The following DVL3 variants were observed in gnomAD, a reference collection of about 807,000 sequenced individuals.
DVL3 encodes segment polarity protein dishevelled homolog DVL-3.
In DVL3, 27 loss-of-function variants were observed where a neutral mutation model predicts 67.4. The ratio of observed to expected loss-of-function variants is 0.40; its 90% CI spans 0.30 to 0.55. The LOEUF (loss-of-function observed/expected upper bound fraction) is 0.55, where lower values mean the gene tolerates loss of function less well. Among genes scored for constraint, DVL3 ranks in the 20% least tolerant of loss-of-function variants. The probability of loss-of-function intolerance (pLI) is 0.46; values close to 1 mark genes in which losing one functional copy is unlikely to be tolerated. For missense variants in DVL3, 819 were observed against 1,021.5 expected, an observed-to-expected ratio of 0.80 and a Z score of 2.70; for synonymous variants, 369 against 396.8, an observed-to-expected ratio of 0.93 and a Z score of 0.83.
At chr3:184,160,667 T>C (rs1425030433) in intron 1 of DVL3, among the ~76,000 whole-genome samples, 3 of 152,134 alleles carry the variant, frequency 2.0e-5, no homozygotes, top group Non-Finnish European at 2.9e-5. Context: ...AGAGCCTTGG[T>C]GGCCTGTCGA....
At position 184,166,881 on chromosome 3, in the gene DVL3, GACCGGC is replaced by G; in HGVS notation, c.1108_1113del (p.Gly370_Thr371del). ...CCTGGGTCTCCCACACTGCAGCCAT[GACCGGC>G]ACCTTCCCTGCATACGGCATGAGCC... On this transcript the variant is annotated inframe_deletion, in exon 11 of 15. Transcript: ENST00000313143. The surrounding 1 kb of genome is among the most constrained non-coding windows in gnomAD (Gnocchi z 6.7). 1 of 1,614,120 alleles carries G rather than the reference GACCGGC, an allele frequency of 6.2e-7. No individual in the cohort carries two copies. Among genetic ancestry groups the G allele is most frequent in the Non-Finnish European group, 8.5e-7 (1 of 1,180,018 alleles).
chr3:184,168,963 C>T (rs376686679), intron 13 of DVL3, among the ~76,000 whole-genome samples: 33 of 152,108 alleles, frequency 2.2e-4, no homozygotes, highest in African/African-American at 7.0e-4. Context: ...TGGCTGGGAA[C>T]GGGGTGGAGA....
intron 1 of DVL3, among the ~76,000 whole-genome samples, chr3:184,159,858 A>G (rs1384552860): frequency 6.6e-6 from 1 of 152,160 alleles, no homozygotes; most frequent in Non-Finnish European, 1.5e-5. Context: ...TACAATAGCA[A>G]GCTCAGGACC....
chr3:184,161,296 A>C (rs1302279962), intron 1 of DVL3, among the ~76,000 whole-genome samples: 1 of 152,108 alleles, frequency 6.6e-6, no homozygotes, highest in East Asian at 1.9e-4. Flanking sequence ...GCGTGGTGGC[A>C]GGCACCTGTA....
At position 184,166,907 on chromosome 3, in the gene DVL3, T is replaced by C. The variant is rs1714612563; in HGVS notation, c.1130T>C (p.Met377Thr). The change falls in exon 11 of 15, where the codon ATG becomes ACG. Residue 377 changes from methionine (M) to threonine (T), a missense_variant. Transcript: ENST00000313143. The surrounding 1 kb of genome is among the most constrained non-coding windows in gnomAD (Gnocchi z 6.7). Reference sequence around the variant, plus strand: ...ACCGGCACCTTCCCTGCATACGGCATGAGCCCCTCCCTGAGCACCATCACC... The same window carrying C: ...ACCGGCACCTTCCCTGCATACGGCACGAGCCCCTCCCTGAGCACCATCACC... ...AMTGTFPAYGMSPSLSTITST... is the reference protein window; with the variant it reads ...AMTGTFPAYGTSPSLSTITST... The C allele has an allele frequency of 6.2e-7, 1 of 1,614,140 alleles. No homozygotes were observed. Among genetic ancestry groups the C allele is most frequent in the Non-Finnish European group, 8.5e-7 (1 of 1,180,018 alleles).
At position 184,155,697 on chromosome 3, in the gene DVL3, T is replaced by C. The variant is rs1208232744; in HGVS notation, c.62T>C (p.Leu21Pro). Residue 21 changes from leucine (L) to proline (P), a missense_variant, in exon 1 of 15, where the codon CTG (leucine) becomes CCG (proline). Leu to Pro is a moderately conservative substitution (Grantham distance 98). Around this residue, in one of 3 missense-constraint regions of DVL3, gnomAD observed 385 missense variants for 486.8 expected, o/e 0.79. Coordinates refer to ENST00000313143, the MANE Select transcript of DVL3 (RefSeq NM_004423.4). The surrounding 1 kb of genome is among the most constrained non-coding windows in gnomAD (Gnocchi z 5.4). Reference protein sequence around the residue: ...DGQETPYLVKLPLPAERVTLA... With the variant: ...DGQETPYLVKPPLPAERVTLA... Reference sequence around the variant, plus strand: ...CAGGAGACGCCGTACCTTGTGAAGCTGCCCCTGCCCGCCGAGCGCGTCACC... The same window carrying C: ...CAGGAGACGCCGTACCTTGTGAAGCCGCCCCTGCCCGCCGAGCGCGTCACC... The C allele has an allele frequency of 6.2e-7, 1 of 1,613,132 alleles. No individual in the cohort carries two copies.
At chr3:184,160,039 A>G (rs1420322292) in intron 1 of DVL3, among the ~76,000 whole-genome samples, 1 of 151,180 alleles carries the variant, frequency 6.6e-6, no homozygotes, top group Non-Finnish European at 1.5e-5. Context: ...TCCTGGGTTC[A>G]CGCCATTCTC....
chr3:184,165,448 C>A lies in DVL3; in HGVS notation c.720C>A (p.Asp240Glu), dbSNP rs750129233. 1.2e-6 allele frequency: 2 copies of A among 1,614,104 alleles called. No homozygotes were observed. Among genetic ancestry groups the A allele is most frequent in the Non-Finnish European group, 1.7e-6 (2 of 1,180,010 alleles). The change falls in exon 7 of 15, where the codon GAC (aspartate) becomes GAA (glutamate). Residue 240 changes from aspartate to glutamate, a missense_variant. Around this residue, in one of 3 missense-constraint regions of DVL3, gnomAD observed 385 missense variants for 486.8 expected, o/e 0.79. Coordinates refer to ENST00000313143, the MANE Select transcript of DVL3 (RefSeq NM_004423.4). This position sits in a 1 kb window ranked among gnomAD's most constrained non-coding sequence, Gnocchi z 4.1. Reference protein sequence around the residue: ...ERSSSFSSITDSTMSLNIITV... With the variant: ...ERSSSFSSITESTMSLNIITV... ...CCTCGTCCTTCAGCAGCATCACGGA[C>A]TCCACCATGTCACTCAACATCATCA...
intron 1 of DVL3, among the ~76,000 whole-genome samples, chr3:184,162,650 G>A (rs1399140483): frequency 6.9e-6 from 1 of 144,392 alleles, no homozygotes; most frequent in Non-Finnish European, 1.5e-5. Context: ...ACCTCCACCT[G>A]CCCGATTCAA....
Position 184,166,487 on chromosome 3 carries a change from A to G in DVL3, c.945A>G (p.Ala315=). Residue 315 remains alanine (A), a synonymous_variant, in exon 9 of 15, where the codon GCA becomes GCG. Transcript: ENST00000313143. This position sits in a 1 kb window ranked among gnomAD's most constrained non-coding sequence, Gnocchi z 6.7. ...TTGAGAACATGAGTAATGACGATGC[A>G]GTCCGGGTACTGCGGGAGATTGTGC... ...INFENMSNDD[A]VRVLREIVHK... 1.2e-6 allele frequency: 2 copies of G among 1,614,188 alleles called. No homozygotes were observed. The highest frequency in any genetic ancestry group is 1.7e-6 in the Non-Finnish European group (2 of 1,180,042).
At position 184,165,322 on chromosome 3, in the gene DVL3, G is replaced by C; in HGVS notation, c.694-100G>C. The C allele has an allele frequency of 6.5e-7, 1 of 1,540,146 alleles. No individual in the cohort carries two copies. The highest frequency in any genetic ancestry group is 1.8e-4 in the Middle Eastern group (1 of 5,596). ...CCCCTAGTGCAGTGTTGAGAACCTT[G>C]GGGCTGGGGGCTGCACCGGGGACTC... On this transcript the variant is annotated intron_variant, in intron 6 of 14. Transcript: ENST00000313143. The surrounding 1 kb of genome is among the most constrained non-coding windows in gnomAD (Gnocchi z 4.1).
chr3:184,168,474 A>G (rs1347529636), intron 13 of DVL3, among the ~76,000 whole-genome samples: 3 of 152,218 alleles, frequency 2.0e-5, no homozygotes, highest in African/African-American at 7.2e-5. Context: ...GCACACAGTC[A>G]TTCCCTCAAA....
chr3:184,170,598 C>G lies in DVL3; in HGVS notation c.1994C>G (p.Pro665Arg), dbSNP rs759182353. ...GGAGTGCCCCCTCTCTACGGCCCCC[C>G]CATGCTGATGATGCCCCCGCCGCCC... Reference protein sequence around the residue: ...PPGVPPLYGPPMLMMPPPPAA... With the variant: ...PPGVPPLYGPRMLMMPPPPAA... The change falls in exon 15 of 15, where the codon CCC (proline) becomes CGC (arginine). Residue 665 changes from proline (P) to arginine (R), a missense_variant. This residue lies in a region of DVL3 where 324 missense variants were observed against 331.3 expected (regional missense o/e 0.98). Transcript: ENST00000313143. The surrounding 1 kb of genome is among the most constrained non-coding windows in gnomAD (Gnocchi z 6.5). 2.5e-6 allele frequency: 4 copies of G among 1,610,238 alleles called. No individual in the cohort carries two copies. The highest frequency in any genetic ancestry group is 2.7e-5 in the African/African-American group (2 of 74,654).
At position 184,167,571 on chromosome 3, in the gene DVL3, C is replaced by T. The variant is rs1714642147; in HGVS notation, c.1199-9C>T. On this transcript the variant is annotated splice_polypyrimidine_tract_variant and intron_variant, in intron 11 of 14. Coordinates refer to ENST00000313143, the MANE Select transcript of DVL3 (RefSeq NM_004423.4). This position sits in a 1 kb window ranked among gnomAD's most constrained non-coding sequence, Gnocchi z 4.6. ...CTTTCTGCCTCACCATTCTGCCTCC[C>T]ACCCCCAGGCCTAGACGACTTCCAC... 1.2e-6 allele frequency: 2 copies of T among 1,612,770 alleles called. No individual in the cohort carries two copies. Among genetic ancestry groups the T allele is most frequent in the South Asian group, 2.2e-5 (2 of 91,042 alleles).
chr3:184,156,132 C>T (rs544222445), intron 1 of DVL3, among the ~76,000 whole-genome samples: 1 of 152,092 alleles, frequency 6.6e-6, no homozygotes, highest in African/African-American at 2.4e-5. Flanking sequence ...AGCCCGAGTC[C>T]CCCATCCTCC....
At position 184,155,635 on chromosome 3, in the gene DVL3, C is replaced by G; in HGVS notation, c.-1C>G. On this transcript the variant is annotated 5_prime_UTR_variant, in exon 1 of 15. Coordinates refer to ENST00000313143, the MANE Select transcript of DVL3 (RefSeq NM_004423.4). This position sits in a 1 kb window ranked among gnomAD's most constrained non-coding sequence, Gnocchi z 5.4. Reference sequence around the variant, plus strand: ...GGGCCGCCGGGCCCGAGGCCAGAGCCATGGGCGAGACCAAGATCATCTACC... The same window carrying G: ...GGGCCGCCGGGCCCGAGGCCAGAGCGATGGGCGAGACCAAGATCATCTACC... 6.4e-7 allele frequency: 1 copy of G among 1,567,740 alleles called. No homozygotes were observed. Among genetic ancestry groups the G allele is most frequent in the Non-Finnish European group, 8.6e-7 (1 of 1,159,402 alleles).
rs757541513 is a variant in DVL3, at chr3:184,165,912, T to A, written c.764-214T>A. Reference sequence around the variant, plus strand: ...TAGAAAAGTCATCTTCTAAGTTCACTGAACCTCAGTTGCCTGCTCTGTAAA... The same window carrying A: ...TAGAAAAGTCATCTTCTAAGTTCACAGAACCTCAGTTGCCTGCTCTGTAAA... On this transcript the variant is annotated intron_variant, in intron 7 of 14. Transcript: ENST00000313143. The surrounding 1 kb of genome is among the most constrained non-coding windows in gnomAD (Gnocchi z 4.1). Among the ~76,000 whole-genome samples the A allele has an allele frequency of 1.3e-5, 2 of 152,256 alleles. No individual in the cohort carries two copies. Among genetic ancestry groups the A allele is most frequent in the Non-Finnish European group, 2.9e-5 (2 of 68,042 alleles).
rs1714466184 is a variant in DVL3, at chr3:184,163,841, T to C, written c.231+115T>C. The stretch of plus-strand genomic sequence containing the variant: ...AAGCTTCAGTATCTGAATCTTTCTT[T>C]AGTTTTGCAAATGAACTGCTTCTCA... On this transcript the variant is annotated intron_variant, in intron 2 of 14. Transcript: ENST00000313143. The surrounding 1 kb of genome is among the most constrained non-coding windows in gnomAD (Gnocchi z 4.5). 1.1e-6 allele frequency: 1 copy of C among 925,428 alleles called. No individual in the cohort carries two copies. Among genetic ancestry groups the C allele is most frequent in the Admixed American group, 2.3e-5 (1 of 42,680 alleles). 57.3% of individuals were successfully genotyped at this position (925,428 alleles called of 1,614,324 possible). A position where few individuals can be genotyped will look rare whatever the true frequency, so the allele number is the denominator to read the frequency against.
In DVL3 at chr3:184,163,825, T is replaced by G; in HGVS notation, c.231+99T>G. 9.6e-7 allele frequency: 1 copy of G among 1,041,130 alleles called. No individual in the cohort carries two copies. Among genetic ancestry groups the G allele is most frequent in the Non-Finnish European group, 1.5e-6 (1 of 684,412 alleles). 64.5% of individuals were successfully genotyped at this position (1,041,130 alleles called of 1,614,324 possible). ...TGTAGCTGGTGGTTTTAAGCTTCAG[T>G]ATCTGAATCTTTCTTTAGTTTTGCA... On this transcript the variant is annotated intron_variant, in intron 2 of 14. Coordinates refer to ENST00000313143, the MANE Select transcript of DVL3 (RefSeq NM_004423.4). The surrounding 1 kb of genome is among the most constrained non-coding windows in gnomAD (Gnocchi z 4.5).
Sources: gnomAD v4.1 joint callset for allele counts (sites outside exome capture counted in the v4.1 genomes callset) on GRCh38, gnomAD v4.1.1 for gene constraint, gnomAD v4.1.1 regional missense constraint, Gnocchi (gnomAD v3.1) non-coding constraint, MANE v1.5 for transcripts, NCBI Gene and HGNC (gene_info 2026-07-23, HGNC 2026-07-21) for gene names.